The following RSBN1L variants were observed in gnomAD, a reference collection of about 807,000 sequenced individuals.
RSBN1L encodes lysine-specific demethylase RSBN1L.
Under a neutral mutation model 67.7 loss-of-function variants are expected in RSBN1L, and 30 were observed. The ratio of observed to expected loss-of-function variants is 0.44; its 90% CI spans 0.33 to 0.60. RSBN1L has a LOEUF of 0.60. Among genes scored for constraint, RSBN1L ranks in the 20% least tolerant of loss-of-function variants. RSBN1L has a pLI of 0.02. For synonymous variants in RSBN1L, 433 were observed against 387.0 expected (o/e 1.12, Z -1.39); for missense variants, 992 against 1,031.7 (o/e 0.96, Z 0.53).
chr7:77,752,275 A>G (rs116377424), intron 3 of RSBN1L, among the ~76,000 whole-genome samples: 2,830 of 152,256 alleles, frequency 0.019, 78 homozygotes, highest in African/African-American at 0.064. Flanking sequence ...TTCTGGCCCC[A>G]TATCTGTGTG....
At chr7:77,776,364 G>A (rs1453014620) in intron 6 of RSBN1L, among the ~76,000 whole-genome samples, 1 of 152,152 alleles carries the variant, frequency 6.6e-6, no homozygotes, top group Non-Finnish European at 1.5e-5. Flanking sequence ...CCACCAAAAC[G>A]ATAGAACATT....
rs117970306 is a variant in RSBN1L at position 77,708,066 on chromosome 7, G to T, written c.586+11011G>T. ...CAGAGCCCCAGTTCTCAAATACCTTGCAAACTTTGTTAAATTTGTTTTTAA... is the reference window on the plus strand; with the variant it reads ...CAGAGCCCCAGTTCTCAAATACCTTTCAAACTTTGTTAAATTTGTTTTTAA... On this transcript the variant is annotated intron_variant, in intron 1 of 7. Coordinates refer to ENST00000334955, the MANE Select transcript of RSBN1L (RefSeq NM_198467.3). Among the ~76,000 whole-genome samples the T allele has an allele frequency of 1.8e-4, 28 of 152,272 alleles. No homozygotes were observed. In the East Asian group the frequency reaches 5.0e-3, roughly 27 times the overall value.
chr7:77,729,437 C>T (rs1201507531), intron 1 of RSBN1L, among the ~76,000 whole-genome samples: 1 of 152,132 alleles, frequency 6.6e-6, no homozygotes, highest in African/African-American at 2.4e-5. Flanking sequence ...TATTTTGTTA[C>T]TAAGAACAGG....
chr7:77,732,976 A>G (rs548520255), intron 1 of RSBN1L, among the ~76,000 whole-genome samples: 5 of 152,116 alleles, frequency 3.3e-5, no homozygotes, highest in Non-Finnish European at 7.4e-5. Context: ...ACATGACTAC[A>G]GGAAGTTTAA....
rs753086011 is a variant in RSBN1L at position 77,696,523 on chromosome 7, C to T, written c.54C>T (p.Ala18=). ...GTGTCGCTGCCGCGGCCCCCACCGC[C>T]ACCGTCTCGGAGAAAGAACCGTTTG... The part of the protein sequence containing the change: ...VHCVAAAAPT[A]TVSEKEPFGK... Residue 18 remains alanine (A), a synonymous_variant, in exon 1 of 8, where the codon GCC becomes GCT. Transcript: ENST00000334955. The T allele has an allele frequency of 6.2e-7, 1 of 1,613,890 alleles. No individual in the cohort carries two copies. Among genetic ancestry groups the T allele is most frequent in the Non-Finnish European group, 8.5e-7 (1 of 1,179,954 alleles).
At chr7:77,776,523 A>T (rs182339998) in intron 6 of RSBN1L, among the ~76,000 whole-genome samples, 85 of 152,374 alleles carry the variant, frequency 5.6e-4, no homozygotes, top group Middle Eastern at 3.4e-3. Context: ...GGAATCAAAT[A>T]ACGTGGTCTT....
At chr7:77,701,173 ACAACAAC>A (rs1562791785) in intron 1 of RSBN1L, among the ~76,000 whole-genome samples, 150 of 132,294 alleles carry the variant, frequency 1.1e-3, no homozygotes, top group Non-Finnish European at 1.8e-3. Context: ...AAAAAAAACA[ACAACAAC>A]AACAACAACA....
At chr7:77,699,046 A>G (rs1174704966) in intron 1 of RSBN1L, among the ~76,000 whole-genome samples, 1 of 152,336 alleles carries the variant, frequency 6.6e-6, no homozygotes, top group South Asian at 2.1e-4. Context: ...TGCCTTTATT[A>G]TAGATATAAT....
chr7:77,699,445 A>G (rs1018249463), intron 1 of RSBN1L, among the ~76,000 whole-genome samples: 1 of 152,236 alleles, frequency 6.6e-6, no homozygotes, highest in Admixed American at 6.5e-5. Flanking sequence ...TGACCATTCT[A>G]ACAGAACGTA....
At chr7:77,773,443 A>C in intron 6 of RSBN1L, 129 bp downstream of exon 6, 1 of 571,142 alleles carries the variant, frequency 1.8e-6, no homozygotes, top group Non-Finnish European at 2.8e-6. Flanking sequence ...GGATATCTTA[A>C]TTGTATAATT....
rs1276052544 is a variant in RSBN1L, at chr7:77,779,756, GT to G, written c.*589del. 1 of 150,198 alleles carries G rather than the reference GT, an allele frequency of 6.7e-6. No homozygotes were observed. Among genetic ancestry groups the G allele is most frequent in the Non-Finnish European group, 1.5e-5 (1 of 67,694 alleles). The allele number at this position is 150,198 out of a possible 1,614,324, so 9.3% of individuals were successfully genotyped here. A position where few individuals can be genotyped will look rare whatever the true frequency, so the allele number is the denominator to read the frequency against. ...TGGTATATCTATTTAGTGTGGTATT[GT>G]AGTGCAAATGTACGTAATTCAAATC... On this transcript the variant is annotated 3_prime_UTR_variant, in exon 8 of 8. Transcript: ENST00000334955.
chr7:77,715,806 G>C (rs1343499679), intron 1 of RSBN1L, among the ~76,000 whole-genome samples: 3 of 152,142 alleles, frequency 2.0e-5, no homozygotes, highest in Non-Finnish European at 4.4e-5. Context: ...CATTCTAGTA[G>C]TTGCATAGTA....
chr7:77,709,679 C>G lies in RSBN1L; in HGVS notation c.586+12624C>G, dbSNP rs114865407. On this transcript the variant is annotated intron_variant, in intron 1 of 7. Transcript: ENST00000334955. The stretch of plus-strand genomic sequence containing the variant: ...TTAACTGTTCAGAGTCTTCCAGCCC[C>G]ACCCCCTAATTTTCCTTATTTGTCT... 4.7e-3 allele frequency among the ~76,000 whole-genome samples: 721 copies of G among 152,220 alleles called. 9 individuals carry two copies. The highest frequency in any genetic ancestry group is 0.016 in the African/African-American group (676 of 41,518).
At chr7:77,776,691 C>A (rs937596762) in intron 6 of RSBN1L, among the ~76,000 whole-genome samples, 1 of 151,938 alleles carries the variant, frequency 6.6e-6, no homozygotes, top group Non-Finnish European at 1.5e-5. Context: ...GGTAATATTC[C>A]TTGTCCTGAA....
chr7:77,746,276 C>T (rs770737324), intron 2 of RSBN1L, among the ~76,000 whole-genome samples: 3 of 152,172 alleles, frequency 2.0e-5, no homozygotes, highest in Non-Finnish European at 4.4e-5. Context: ...CGGGAGGCCT[C>T]AGGAAACTTT....
chr7:77,767,062 TTTCCCCTTCCCTTCCCC>T (rs1415176902), intron 4 of RSBN1L, among the ~76,000 whole-genome samples: 1 of 103,558 alleles, frequency 9.7e-6, no homozygotes, highest in Non-Finnish European at 1.9e-5. Context: ...TCCCCTTCCC[TTTCCCCTTCCCTTCCCC>T]TTCCCCTTCC....
intron 3 of RSBN1L, 137 bp downstream of exon 3, chr7:77,750,201 T>G: frequency 2.4e-6 from 1 of 421,186 alleles, no homozygotes; most frequent in East Asian, 4.0e-5. Flanking sequence ...TAAGAGTAAA[T>G]TACTTTCTTG....
chr7:77,768,603 A>G, intron 4 of RSBN1L, 58 bp from the exon 5 acceptor site: 2 of 1,450,546 alleles, frequency 1.4e-6, no homozygotes, highest in Non-Finnish European at 1.9e-6. Flanking sequence ...TATTATTAAC[A>G]TACACTTGAA....
chr7:77,744,844 A>G (rs911384949), intron 2 of RSBN1L, among the ~76,000 whole-genome samples: 3 of 152,238 alleles, frequency 2.0e-5, no homozygotes, highest in African/African-American at 2.4e-5. Context: ...CTTATGAATT[A>G]TCACGTCTGT....
Sources: allele counts gnomAD v4.1 joint callset (sites outside exome capture counted in the v4.1 genomes callset), GRCh38; gene constraint gnomAD v4.1.1; transcripts MANE v1.5; gene names NCBI Gene and HGNC (gene_info 2026-07-23, HGNC 2026-07-21).